IQSEC1: variants seen among roughly 807,000 people sequenced by gnomAD.
The protein encoded by IQSEC1 is IQ motif and SEC7 domain-containing protein 1.
Under a neutral mutation model 91.0 loss-of-function variants are expected in IQSEC1, and 31 were observed. That is an observed-to-expected ratio of 0.34 (90% confidence interval 0.26 to 0.46). The LOEUF (loss-of-function observed/expected upper bound fraction) is 0.46. Ranked by LOEUF, IQSEC1 falls within the 20% of genes least tolerant of loss-of-function variation. IQSEC1 has a pLI of 1.00. For synonymous variants in IQSEC1, 699 were observed against 662.6 expected (o/e 1.05, Z -0.84); for missense variants, 1,388 against 1,575.6 (o/e 0.88, Z 2.02).
chr3:13,045,716 T>C (rs1704470012), intron 1 of IQSEC1, among the ~76,000 whole-genome samples: 1 of 152,166 alleles, frequency 6.6e-6, no homozygotes, highest in Non-Finnish European at 1.5e-5. Flanking sequence ...GAGTGGACAA[T>C]TCAGATGGAG....
chr3:12,941,795 G>A lies in IQSEC1; in HGVS notation c.94C>T (p.Pro32Ser). Residue 32 changes from proline to serine, a missense_variant, in exon 2 of 14, where the codon CCC becomes TCC. This residue lies in a region of IQSEC1 where 1,059 missense variants were observed against 1,317.8 expected (regional missense o/e 0.80). Coordinates refer to ENST00000613206, the MANE Select transcript of IQSEC1 (RefSeq NM_001134382.3). ...CTCAGGCTGGAACCGGGCACCAAGG[G>A]GCCCTGGGGGTAGGCTGAGGGGCTG... Reference protein sequence around the residue: ...LDSPSAYPQGPLVPGSSLSPD... With the variant: ...LDSPSAYPQGSLVPGSSLSPD... 2 of 1,611,216 alleles carry A rather than the reference G, an allele frequency of 1.2e-6. No individual in the cohort carries two copies. The highest frequency in any genetic ancestry group is 8.5e-7 in the Non-Finnish European group (1 of 1,179,558).
intron 13 of IQSEC1, 115 bp downstream of exon 13, chr3:12,902,658 C>CAAAAAAAAAGCAAAAAAAAAAAAAA (rs1694460568): frequency 3.8e-6 from 1 of 264,630 alleles, no homozygotes; most frequent in Admixed American, 6.7e-5. Flanking sequence ...AAAAAAACAA[C>CAAAAAAAAAGCAAAAAAAAAAAAAA]AAAAAAAAAA....
intron 1 of IQSEC1, among the ~76,000 whole-genome samples, chr3:13,009,266 C>T (rs768974128): frequency 1.3e-5 from 2 of 152,196 alleles, no homozygotes; most frequent in South Asian, 4.1e-4. Flanking sequence ...GGACCGGTGC[C>T]CGGACTGCCA....
At chr3:13,260,112 G>C (rs1695356401) in intron 1 of IQSEC1, among the ~76,000 whole-genome samples, 2 of 152,204 alleles carry the variant, frequency 1.3e-5, no homozygotes, top group Non-Finnish European at 2.9e-5. Context: ...GAGGAAGAGG[G>C]GGAAGGAGGA....
intron 1 of IQSEC1, among the ~76,000 whole-genome samples, chr3:13,060,315 G>A (rs1475197301): frequency 6.6e-6 from 1 of 152,206 alleles, no homozygotes; most frequent in Non-Finnish European, 1.5e-5. Context: ...TGAAAGGAAG[G>A]GAGTGACGGT....
At chr3:13,175,947 A>G (rs147988322) in intron 1 of IQSEC1, among the ~76,000 whole-genome samples, 1 of 152,334 alleles carries the variant, frequency 6.6e-6, no homozygotes, top group Non-Finnish European at 1.5e-5. Context: ...TTAGCTTGCA[A>G]TTTACGAATG....
At chr3:12,960,606 GTCATTT>G (rs1700185808) in intron 1 of IQSEC1, 6 of 152,176 alleles carry the variant, frequency 3.9e-5, no homozygotes, top group Admixed American at 3.9e-4. Context: ...GCTTGAATTC[GTCATTT>G]TCATTTTCTA....
intron 1 of IQSEC1, among the ~76,000 whole-genome samples, chr3:13,012,084 T>C (rs1177418859): frequency 1.3e-5 from 2 of 152,176 alleles, no homozygotes; most frequent in Non-Finnish European, 2.9e-5. Context: ...TGGCACACGG[T>C]AGGTGTACAC....
chr3:13,234,179 G>A (rs1339207517), intron 1 of IQSEC1, among the ~76,000 whole-genome samples: 1 of 151,630 alleles, frequency 6.6e-6, no homozygotes, highest in African/African-American at 2.4e-5. Context: ...TGGGTCTGTG[G>A]GTGTGAGCCC....
Position 12,935,156 on chromosome 3 carries a change from G to A in IQSEC1, c.1568+292C>T, listed in dbSNP as rs3773325. Among the ~76,000 whole-genome samples, 21 of 152,226 alleles carry A rather than the reference G, an allele frequency of 1.4e-4. No homozygotes were observed. The East Asian group carries it at 3.9e-3, about 28-fold the overall frequency. ...TACCCCACTTGCTATGGCGGACTTG[G>A]GGGGGATGGGACGGAAGGGCCCGGG... On this transcript the variant is annotated intron_variant, in intron 3 of 13. Transcript: ENST00000613206. The surrounding 1 kb of genome is among the most constrained non-coding windows in gnomAD (Gnocchi z 8.0).
chr3:13,030,636 TG>T (rs1703809244), intron 1 of IQSEC1, among the ~76,000 whole-genome samples: 1 of 152,198 alleles, frequency 6.6e-6, no homozygotes, highest in Non-Finnish European at 1.5e-5. Flanking sequence ...GTTCCTTCAA[TG>T]AGTACTGCAA....
chr3:13,107,937 G>C (rs1030212362), intron 2 of IQSEC1, among the ~76,000 whole-genome samples: 1 of 152,234 alleles, frequency 6.6e-6, no homozygotes, highest in African/African-American at 2.4e-5. Context: ...AGTGAGCTCC[G>C]GACTCCAGCC....
chr3:13,018,107 C>CGCAGGAAG (rs1331118381), intron 1 of IQSEC1, among the ~76,000 whole-genome samples: 2 of 152,148 alleles, frequency 1.3e-5, no homozygotes, highest in Non-Finnish European at 2.9e-5. Flanking sequence ...CAGCGAGCAC[C>CGCAGGAAG]GCAGGAAGGA....
At chr3:13,234,047 C>T (rs995431472) in intron 1 of IQSEC1, among the ~76,000 whole-genome samples, 5 of 152,220 alleles carry the variant, frequency 3.3e-5, no homozygotes, top group Non-Finnish European at 4.4e-5. Context: ...TTCCGGGATC[C>T]CAGTGGAATT....
At chr3:13,275,355 T>C (rs776526205) in intron 1 of IQSEC1, among the ~76,000 whole-genome samples, 5 of 152,186 alleles carry the variant, frequency 3.3e-5, no homozygotes, top group African/African-American at 4.8e-5. Flanking sequence ...AGGCCCAGCT[T>C]GGAGGGCAGG....
intron 13 of IQSEC1, 47 bp from the exon 14 acceptor site, chr3:12,901,569 C>T (rs1694309544): frequency 6.9e-7 from 1 of 1,448,506 alleles, no homozygotes; most frequent in Non-Finnish European, 9.4e-7. Context: ...TCTTCAAGCA[C>T]TTAGGTCAGA....
chr3:13,235,541 T>C (rs934131278), intron 1 of IQSEC1, among the ~76,000 whole-genome samples: 4 of 152,040 alleles, frequency 2.6e-5, no homozygotes, highest in Non-Finnish European at 5.9e-5. Context: ...AGGGGGAAAT[T>C]GCCCAGAGGT....
chr3:13,176,663 G>C (rs1462079164), intron 1 of IQSEC1, among the ~76,000 whole-genome samples: 1 of 152,210 alleles, frequency 6.6e-6, no homozygotes, highest in Non-Finnish European at 1.5e-5. Flanking sequence ...GAAGCACCCA[G>C]ATGCATGTGG....
At chr3:13,089,942 A>G (rs79240836) in intron 2 of IQSEC1, among the ~76,000 whole-genome samples, 5 of 152,352 alleles carry the variant, frequency 3.3e-5, no homozygotes, top group South Asian at 4.1e-4. Flanking sequence ...TAGGCCGGGC[A>G]CGGTGGCTCA....
Sources: gnomAD v4.1 joint callset for allele counts (sites outside exome capture counted in the v4.1 genomes callset) on GRCh38, gnomAD v4.1.1 for gene constraint, gnomAD v4.1.1 regional missense constraint, Gnocchi (gnomAD v3.1) non-coding constraint, MANE v1.5 for transcripts, NCBI Gene and HGNC (gene_info 2026-07-23, HGNC 2026-07-21) for gene names.